Variants in LRRTM3 observed in about 807,000 individuals in gnomAD.
The protein encoded by LRRTM3 is leucine-rich repeat transmembrane neuronal protein 3.
Under a neutral mutation model 44.7 loss-of-function variants are expected in LRRTM3, and 24 were observed. That is an observed-to-expected ratio of 0.54 (90% CI 0.39 to 0.76). The LOEUF (loss-of-function observed/expected upper bound fraction) is 0.76, where lower values mean the gene tolerates loss of function less well. LRRTM3 is among the 30% of genes least tolerant of loss of function. LRRTM3 has a pLI of 0.00. For synonymous variants in LRRTM3, 277 were observed against 278.7 expected, an observed-to-expected ratio of 0.99 and a Z score of 0.06; for missense variants, 587 against 702.2, an observed-to-expected ratio of 0.84 and a Z score of 1.85.
intron 2 of LRRTM3, among the ~76,000 whole-genome samples, chr10:67,025,067 T>G (rs1451677029): frequency 6.8e-6 from 1 of 147,144 alleles, no homozygotes; most frequent in Non-Finnish European, 1.5e-5. Context: ...GAGCGGAGGT[T>G]GCGGTGAGCC....
rs529852339 is a variant in LRRTM3 at position 67,020,290 on chromosome 10, C to T, written c.1537-77297C>T. ...GGAGGGGAAGCAAGGGGTTGACAAG[C>T]GCTCAAATATACAGCCTCATGTTAA... On this transcript the variant is annotated intron_variant, in intron 2 of 2. Coordinates refer to ENST00000361320, the MANE Select transcript of LRRTM3 (RefSeq NM_178011.5). Among the ~76,000 whole-genome samples, 81 of 152,234 alleles carry T rather than the reference C, an allele frequency of 5.3e-4. 1 individual carries two copies. Among genetic ancestry groups the T allele is most frequent in the South Asian group, 2.1e-4 (1 of 4,826 alleles).
At chr10:67,062,302 A>C (rs533318465) in intron 2 of LRRTM3, among the ~76,000 whole-genome samples, 11 of 152,326 alleles carry the variant, frequency 7.2e-5, no homozygotes, top group African/African-American at 2.6e-4. Context: ...TCCTATAAGG[A>C]AAATCACTTA....
rs10582679 is a variant in LRRTM3 at position 67,051,758 on chromosome 10, A to AT, written c.1537-45815dup. On this transcript the variant is annotated intron_variant, in intron 2 of 2. Coordinates refer to ENST00000361320, the MANE Select transcript of LRRTM3 (RefSeq NM_178011.5). Reference sequence around the variant, plus strand: ...TATACACATTGTAGTCTATCCTACAATTTTTTTTTTTTTTGAGATGGAGTC... The same window carrying AT: ...TATACACATTGTAGTCTATCCTACAATTTTTTTTTTTTTTTGAGATGGAGTC... Among the ~76,000 whole-genome samples the AT allele has an allele frequency of 4.3e-4, 63 of 145,122 alleles. 1 individual carries two copies. The South Asian group carries it at 9.5e-3, about 22-fold the overall frequency.
chr10:66,940,445 G>A (rs1329433225), intron 2 of LRRTM3, among the ~76,000 whole-genome samples: 1 of 152,166 alleles, frequency 6.6e-6, no homozygotes, highest in African/African-American at 2.4e-5. Flanking sequence ...CTGCACTCCA[G>A]CCTGAGCAAC....
rs760549306 is a variant in LRRTM3 at position 66,926,956 on chromosome 10, G to A, written c.40G>A (p.Val14Ile). The change falls in exon 2 of 3, where the codon GTA (valine) becomes ATA (isoleucine). Residue 14 changes from valine to isoleucine, a missense_variant. Coordinates refer to ENST00000361320, the MANE Select transcript of LRRTM3 (RefSeq NM_178011.5). Reference protein sequence around the residue: ...NVIRLLSGSAVALVIAPTVLL... With the variant: ...NVIRLLSGSAIALVIAPTVLL... ...AATTAGGCTACTGAGCGGATCAGCT[G>A]TAGCACTGGTTATAGCCCCCACTGT... The A allele has an allele frequency of 1.9e-6, 3 of 1,612,944 alleles. No individual in the cohort carries two copies. The highest frequency in any genetic ancestry group is 4.5e-5 in the East Asian group (2 of 44,834).
At chr10:67,027,667 C>T (rs114184265) in intron 2 of LRRTM3, among the ~76,000 whole-genome samples, 1,894 of 152,084 alleles carry the variant, frequency 0.012, 47 homozygotes, top group African/African-American at 0.043. Context: ...AATCTCTTGA[C>T]CTTGTCATCC....
chr10:66,970,393 T>C (rs1382158980), intron 2 of LRRTM3, among the ~76,000 whole-genome samples: 1 of 152,018 alleles, frequency 6.6e-6, no homozygotes, highest in African/African-American at 2.4e-5. Context: ...ATACAGCAGA[T>C]ATGTAACAAT....
chr10:66,990,124 A>C (rs16923895), intron 2 of LRRTM3, among the ~76,000 whole-genome samples: 2,450 of 152,264 alleles, frequency 0.016, 91 homozygotes, highest in East Asian at 0.16. Context: ...CAAGCTTGTC[A>C]GTAGACATCA....
chr10:67,012,788 GT>G (rs1440144295), intron 2 of LRRTM3, among the ~76,000 whole-genome samples: 1 of 152,036 alleles, frequency 6.6e-6, no homozygotes, highest in East Asian at 1.9e-4. Context: ...GAATTCACGA[GT>G]GTTTGTTAAA....
At chr10:66,955,437 A>T (rs1270974920) in intron 2 of LRRTM3, among the ~76,000 whole-genome samples, 2 of 152,190 alleles carry the variant, frequency 1.3e-5, no homozygotes, top group African/African-American at 2.4e-5. Context: ...ATTCCAAATG[A>T]CAATGCCAAT....
chr10:67,078,184 G>T (rs1258761349), intron 2 of LRRTM3, among the ~76,000 whole-genome samples: 2 of 152,126 alleles, frequency 1.3e-5, no homozygotes, highest in Non-Finnish European at 2.9e-5. Flanking sequence ...CCACTTTTAG[G>T]TTCTTTGCTT....
intron 2 of LRRTM3, among the ~76,000 whole-genome samples, chr10:67,042,402 T>C (rs913866293): frequency 2.0e-5 from 3 of 152,184 alleles, no homozygotes; most frequent in African/African-American, 7.2e-5. Context: ...TGAATAATTA[T>C]ATCATTGGGA....
intron 2 of LRRTM3, among the ~76,000 whole-genome samples, chr10:67,061,663 A>G (rs1434727336): frequency 6.6e-6 from 1 of 152,222 alleles, no homozygotes; most frequent in African/African-American, 2.4e-5. Flanking sequence ...ACCTGTCCTC[A>G]CATCTGGTCA....
intron 2 of LRRTM3, among the ~76,000 whole-genome samples, chr10:66,965,644 T>C (rs914476833): frequency 2.0e-5 from 3 of 151,458 alleles, no homozygotes; most frequent in African/African-American, 7.3e-5. Context: ...CTAACGAACT[T>C]CCACGTAGAG....
intron 2 of LRRTM3, among the ~76,000 whole-genome samples, chr10:67,019,172 T>G (rs995325948): frequency 2.6e-5 from 4 of 152,230 alleles, no homozygotes; most frequent in African/African-American, 9.6e-5. Context: ...TATGGGTTAC[T>G]TCACATTTGA....
chr10:67,091,326 A>G (rs569183937), intron 2 of LRRTM3, among the ~76,000 whole-genome samples: 9 of 152,114 alleles, frequency 5.9e-5, no homozygotes, highest in Admixed American at 5.9e-4. Context: ...ATTTAAAGAC[A>G]GTGTGATACA....
intron 2 of LRRTM3, among the ~76,000 whole-genome samples, chr10:66,991,191 A>G (rs1473190639): frequency 1.3e-5 from 2 of 152,202 alleles, no homozygotes; most frequent in African/African-American, 4.8e-5. Flanking sequence ...TCAGGGAAGT[A>G]AAAATGTCAC....
chr10:67,013,741 AG>A (rs1852482173), intron 2 of LRRTM3, among the ~76,000 whole-genome samples: 1 of 152,162 alleles, frequency 6.6e-6, no homozygotes, highest in African/African-American at 2.4e-5. Context: ...TCCTTTAAAG[AG>A]GTTGACAGTT....
chr10:67,046,479 C>T (rs920737443), intron 2 of LRRTM3, among the ~76,000 whole-genome samples: 15 of 152,240 alleles, frequency 9.9e-5, no homozygotes, highest in South Asian at 8.3e-4. Context: ...GACATTGCCA[C>T]GATATCTTCC....
Sources: allele counts gnomAD v4.1 joint callset (sites outside exome capture counted in the v4.1 genomes callset), GRCh38; gene constraint gnomAD v4.1.1; transcripts MANE v1.5; gene names NCBI Gene and HGNC (gene_info 2026-07-23, HGNC 2026-07-21).